The following SART3 variants were observed in gnomAD, a reference collection of about 807,000 sequenced individuals.
The protein encoded by SART3 is spliceosome associated factor 3, U4/U6 recycling protein, also known as HIV-1 Tat-interacting protein of 110kDa.
In SART3, 44 loss-of-function variants were observed where a neutral mutation model predicts 122.3. The observed-to-expected ratio is 0.36, with a 90% CI of 0.28 to 0.46. The LOEUF (loss-of-function observed/expected upper bound fraction) is 0.46. Ranked by LOEUF, SART3 falls within the 20% of genes least tolerant of loss-of-function variation. The pLI is 1.00. For synonymous variants in SART3, 442 were observed against 454.0 expected, an observed-to-expected ratio of 0.97 and a Z score of 0.34; for missense variants, 1,101 against 1,229.0, an observed-to-expected ratio of 0.90 and a Z score of 1.56.
At position 108,543,299 on chromosome 12, in the gene SART3, G is replaced by A. The variant is rs1005356325; in HGVS notation, c.782-147C>T. ...TACTGATCAAATTCTGATTTCTGCT[G>A]AGCCCAAACCTGTCTGTAGAATCTG... On this transcript the variant is annotated intron_variant, in intron 5 of 18. Transcript: ENST00000546815. The A allele has an allele frequency of 7.5e-6, 7 of 933,208 alleles. No individual in the cohort carries two copies. In the African/African-American group the frequency reaches 9.9e-5, roughly 13 times the overall value. 57.8% of individuals were successfully genotyped at this position (933,208 alleles called of 1,614,324 possible).
At chr12:108,529,529 T>C (rs561271845) in intron 15 of SART3, among the ~76,000 whole-genome samples, 36 of 152,288 alleles carry the variant, frequency 2.4e-4, no homozygotes, top group Non-Finnish European at 1.0e-4. Context: ...CAAAGGGACA[T>C]AGAAGCCTGT....
intron 12 of SART3, among the ~76,000 whole-genome samples, chr12:108,534,374 G>A (rs1312286638): frequency 1.3e-5 from 2 of 152,042 alleles, no homozygotes; most frequent in African/African-American, 4.8e-5. Flanking sequence ...TTATCTCTGG[G>A]GTGGGATTGT....
At chr12:108,560,541 C>T (rs184911043) in intron 1 of SART3, 2 of 430,488 alleles carry the variant, frequency 4.6e-6, no homozygotes, top group Admixed American at 8.4e-5. Context: ...CAAGGCCTGA[C>T]TTGCAGGAAG....
In SART3 at chr12:108,523,316, T is replaced by A; in HGVS notation, c.*141A>T. 1.1e-6 allele frequency: 1 copy of A among 891,574 alleles called. No individual in the cohort carries two copies. The highest frequency in any genetic ancestry group is 1.9e-6 in the Non-Finnish European group (1 of 534,290). The allele number at this position is 891,574 out of a possible 1,614,324, so 55.2% of individuals were successfully genotyped here. On this transcript the variant is annotated 3_prime_UTR_variant, in exon 19 of 19. Transcript: ENST00000546815. ...GCTCTTGACTTAGAACCCCTTCCCC[T>A]TTCTGTCTAAAGCCGAGGAGCCATC...
chr12:108,555,405 C>A (rs1488687777), intron 1 of SART3, among the ~76,000 whole-genome samples: 3 of 152,158 alleles, frequency 2.0e-5, no homozygotes, highest in African/African-American at 7.2e-5. Flanking sequence ...TGGCTCACAC[C>A]TGTAATCCCA....
chr12:108,534,198 G>T (rs1872801186), intron 12 of SART3, among the ~76,000 whole-genome samples: 1 of 152,054 alleles, frequency 6.6e-6, no homozygotes, highest in Non-Finnish European at 1.5e-5. Context: ...AAATTAAAAT[G>T]TTTTTTAGAT....
At chr12:108,531,165 G>C in intron 14 of SART3, 39 bp downstream of exon 14, 1 of 1,546,990 alleles carries the variant, frequency 6.5e-7, no homozygotes, top group East Asian at 2.2e-5. Flanking sequence ...AGCCAAAATA[G>C]CTACCAGAGG....
At chr12:108,548,188 A>G (rs925792701) in intron 2 of SART3, among the ~76,000 whole-genome samples, 197 bp from the exon 3 acceptor site, 2 of 152,242 alleles carry the variant, frequency 1.3e-5, no homozygotes, top group Non-Finnish European at 2.9e-5. Context: ...CACTAAAATC[A>G]TAATATCCTC....
chr12:108,522,332 G>T lies in SART3; in HGVS notation c.*1125C>A, dbSNP rs765742506. ...CTGATGCACAAAAACTTAAACTTACGCAACAGATAAATGAGGAGTTGATTC... is the reference window on the plus strand; with the variant it reads ...CTGATGCACAAAAACTTAAACTTACTCAACAGATAAATGAGGAGTTGATTC... On this transcript the variant is annotated 3_prime_UTR_variant, in exon 19 of 19. Transcript: ENST00000546815. 6.6e-6 allele frequency among the ~76,000 whole-genome samples: 1 copy of T among 152,162 alleles called. No homozygotes were observed. Among genetic ancestry groups the T allele is most frequent in the Admixed American group, 6.5e-5 (1 of 15,282 alleles).
chr12:108,532,323 T>G lies in SART3; in HGVS notation c.1568A>C (p.Asp523Ala). 6.2e-7 allele frequency: 1 copy of G among 1,613,934 alleles called. No individual in the cohort carries two copies. Among genetic ancestry groups the G allele is most frequent in the Non-Finnish European group, 8.5e-7 (1 of 1,179,970 alleles). ...EYYNLERAHG[D>A]TQHCRKALHR... The stretch of plus-strand genomic sequence containing the variant: ...CAGAGCCTTCCGGCAGTGCTGGGTG[T>G]CACCATGAGCTCTAAGGCAGAAAAC... The change falls in exon 13 of 19, where the codon GAC becomes GCC. Residue 523 changes from aspartate (D) to alanine (A), a missense_variant. Transcript: ENST00000546815.
chr12:108,528,314 C>T (rs1872491392), intron 15 of SART3, among the ~76,000 whole-genome samples: 1 of 151,756 alleles, frequency 6.6e-6, no homozygotes, highest in South Asian at 2.1e-4. Flanking sequence ...GAAACCCCGT[C>T]TCTACTAAAA....
At chr12:108,548,631 G>A (rs1873542318) in intron 2 of SART3, among the ~76,000 whole-genome samples, 1 of 152,190 alleles carries the variant, frequency 6.6e-6, no homozygotes, top group South Asian at 2.1e-4. Flanking sequence ...GAACTACAGA[G>A]TTGTTCAGTG....
intron 12 of SART3, among the ~76,000 whole-genome samples, chr12:108,533,574 T>C (rs1196167851): frequency 6.6e-6 from 1 of 152,226 alleles, no homozygotes; most frequent in East Asian, 1.9e-4. Flanking sequence ...GGAAAACCAC[T>C]GACATTATTT....
intron 15 of SART3, among the ~76,000 whole-genome samples, chr12:108,527,414 T>A (rs1466599018): frequency 6.6e-6 from 1 of 152,234 alleles, no homozygotes; most frequent in African/African-American, 2.4e-5. Context: ...TCACTCGGTC[T>A]TCCCCCTGGA....
chr12:108,553,442 A>T (rs2030087071), intron 1 of SART3, among the ~76,000 whole-genome samples: 1 of 152,236 alleles, frequency 6.6e-6, no homozygotes, highest in Admixed American at 6.5e-5. Context: ...CAAAATAAAA[A>T]GGCGAATTGT....
chr12:108,523,164 G>A lies in SART3; in HGVS notation c.*293C>T. 1 of 511,570 alleles carries A rather than the reference G, an allele frequency of 2.0e-6. No individual in the cohort carries two copies. The highest frequency in any genetic ancestry group is 3.5e-6 in the Non-Finnish European group (1 of 282,330). 31.7% of individuals were successfully genotyped at this position (511,570 alleles called of 1,614,324 possible). A position where few individuals can be genotyped will look rare whatever the true frequency, so the allele number is the denominator to read the frequency against. On this transcript the variant is annotated 3_prime_UTR_variant, in exon 19 of 19. Coordinates refer to ENST00000546815, the MANE Select transcript of SART3 (RefSeq NM_014706.4). ...GACAACTGTGTCTCAAAAACAGTGT[G>A]TTCTCGTTTCGCTTCTGTGCCTCAG...
chr12:108,523,351 G>T lies in SART3; in HGVS notation c.*106C>A. The T allele has an allele frequency of 8.3e-7, 1 of 1,207,058 alleles. No individual in the cohort carries two copies. Among genetic ancestry groups the T allele is most frequent in the Non-Finnish European group, 1.2e-6 (1 of 812,330 alleles). 74.8% of individuals were successfully genotyped at this position (1,207,058 alleles called of 1,614,324 possible). A position where few individuals can be genotyped will look rare whatever the true frequency, so the allele number is the denominator to read the frequency against. On this transcript the variant is annotated 3_prime_UTR_variant, in exon 19 of 19. Coordinates refer to ENST00000546815, the MANE Select transcript of SART3 (RefSeq NM_014706.4). ...AAGCCGAGGAGCCATCTGTGGTTGCGAGCACGCAGCACACCAGGCCTGTCC... is the reference window on the plus strand; with the variant it reads ...AAGCCGAGGAGCCATCTGTGGTTGCTAGCACGCAGCACACCAGGCCTGTCC...
chr12:108,529,309 A>G (rs905881356), intron 15 of SART3, among the ~76,000 whole-genome samples: 5 of 152,192 alleles, frequency 3.3e-5, no homozygotes, highest in African/African-American at 9.7e-5. Flanking sequence ...ACACGCACAC[A>G]CACACACACT....
chr12:108,545,736 C>A (rs990523398), intron 3 of SART3, among the ~76,000 whole-genome samples: 6 of 152,122 alleles, frequency 3.9e-5, no homozygotes, highest in Admixed American at 3.3e-4. Flanking sequence ...GGGAGACTGA[C>A]GTGGGAGGAC....
Sources: allele counts gnomAD v4.1 joint callset (sites outside exome capture counted in the v4.1 genomes callset), GRCh38; gene constraint gnomAD v4.1.1; transcripts MANE v1.5; gene names NCBI Gene and HGNC (gene_info 2026-07-23, HGNC 2026-07-21).